FSTL5: variants seen among roughly 807,000 people sequenced by gnomAD.
The protein encoded by FSTL5 is follistatin-related protein 5.
A neutral mutation model predicts 89.1 loss-of-function variants in FSTL5; 62 were observed. The observed-to-expected ratio is 0.70, with a 90% CI of 0.57 to 0.86. FSTL5 has a LOEUF of 0.86. Among genes scored for constraint, FSTL5 ranks in the 40% least tolerant of loss-of-function variants. FSTL5 has a pLI of 0.00. For missense variants in FSTL5, 1,057 were observed against 1,001.6 expected (o/e 1.06, Z -0.75); for synonymous variants, 383 against 346.2 (o/e 1.11, Z -1.18).
chr4:161,864,294 G>A (rs1732008969), intron 4 of FSTL5, among the ~76,000 whole-genome samples: 1 of 152,140 alleles, frequency 6.6e-6, no homozygotes, highest in Non-Finnish European at 1.5e-5. Context: ...TTGGGGTCAG[G>A]TGGATCAGGG....
At chr4:161,868,589 T>C (rs11100393) in intron 4 of FSTL5, among the ~76,000 whole-genome samples, 7,171 of 152,300 alleles carry the variant, frequency 0.047, 214 homozygotes, top group Non-Finnish European at 0.07. Flanking sequence ...TATTAATTTT[T>C]CTGGCCACAG....
chr4:161,798,722 A>G (rs1365551767), intron 4 of FSTL5, among the ~76,000 whole-genome samples: 1 of 151,670 alleles, frequency 6.6e-6, no homozygotes, highest in Non-Finnish European at 1.5e-5. Context: ...TAATCTGGTG[A>G]TAGGACCCAT....
intron 2 of FSTL5, among the ~76,000 whole-genome samples, chr4:162,084,366 A>G (rs1035019548): frequency 4.6e-5 from 7 of 152,058 alleles, no homozygotes; most frequent in African/African-American, 1.7e-4. Flanking sequence ...TCATTTATAA[A>G]TAACATTTGA....
At chr4:161,847,187 G>A (rs1448201233) in intron 4 of FSTL5, among the ~76,000 whole-genome samples, 2 of 152,008 alleles carry the variant, frequency 1.3e-5, no homozygotes, top group East Asian at 1.9e-4. Context: ...TCAATATCAG[G>A]GTAAAATAAA....
intron 6 of FSTL5, among the ~76,000 whole-genome samples, chr4:161,692,626 G>A (rs1737981182): frequency 6.6e-6 from 1 of 152,090 alleles, no homozygotes; most frequent in Admixed American, 6.6e-5. Context: ...TGTGTCCAGG[G>A]GGACAACCCT....
intron 4 of FSTL5, among the ~76,000 whole-genome samples, chr4:161,829,202 G>C (rs965145010): frequency 1.8e-4 from 27 of 146,052 alleles, no homozygotes; most frequent in African/African-American, 6.0e-4. Context: ...TATAGTCTAT[G>C]TTATATAAAT....
At chr4:161,607,024 A>G (rs1268753488) in intron 7 of FSTL5, among the ~76,000 whole-genome samples, 1 of 152,194 alleles carries the variant, frequency 6.6e-6, no homozygotes, top group African/African-American at 2.4e-5. Flanking sequence ...AAATGATTTG[A>G]AGATTATTCA....
At chr4:161,564,365 ATAT>A (rs1472086118) in intron 8 of FSTL5, among the ~76,000 whole-genome samples, 1 of 151,154 alleles carries the variant, frequency 6.6e-6, no homozygotes, top group East Asian at 1.9e-4. Context: ...ATTCCTATAT[ATAT>A]ATATAAAAGT....
At chr4:161,404,467 A>C (rs1731288800) in intron 15 of FSTL5, among the ~76,000 whole-genome samples, 1 of 152,180 alleles carries the variant, frequency 6.6e-6, no homozygotes, top group Admixed American at 6.5e-5. Flanking sequence ...ACAGGAAGTA[A>C]AGGCTAAGGA....
intron 3 of FSTL5, among the ~76,000 whole-genome samples, chr4:161,994,865 T>A (rs1308017753): frequency 1.3e-5 from 2 of 152,128 alleles, no homozygotes; most frequent in Non-Finnish European, 2.9e-5. Flanking sequence ...TTATTTTGCT[T>A]TGCAGAAGCT....
At chr4:161,415,051 T>C (rs1473941996) in intron 15 of FSTL5, among the ~76,000 whole-genome samples, 2 of 152,212 alleles carry the variant, frequency 1.3e-5, no homozygotes, top group Non-Finnish European at 2.9e-5. Context: ...TAGTAAATTA[T>C]ACCTATTATC....
intron 4 of FSTL5, among the ~76,000 whole-genome samples, chr4:161,867,912 T>G (rs1421825804): frequency 1.3e-5 from 2 of 151,966 alleles, no homozygotes; most frequent in East Asian, 3.9e-4. Context: ...TTCAATTAGG[T>G]CAATTTAATA....
At chr4:161,546,765 A>T (rs937615536) in intron 8 of FSTL5, among the ~76,000 whole-genome samples, 1 of 152,000 alleles carries the variant, frequency 6.6e-6, no homozygotes, top group African/African-American at 2.4e-5. Flanking sequence ...TTCCAAAATA[A>T]AGTAAAAATA....
chr4:162,117,763 A>AT (rs749414493), intron 1 of FSTL5, among the ~76,000 whole-genome samples: 1 of 152,344 alleles, frequency 6.6e-6, no homozygotes, highest in Non-Finnish European at 1.5e-5. Context: ...TTAACTCAGT[A>AT]AAGACAGAAC....
intron 4 of FSTL5, among the ~76,000 whole-genome samples, chr4:161,868,533 T>C (rs2126897517): frequency 6.6e-6 from 1 of 152,302 alleles, no homozygotes; most frequent in East Asian, 1.9e-4. Flanking sequence ...GTCAATTTGA[T>C]CTCCACAATA....
intron 6 of FSTL5, among the ~76,000 whole-genome samples, chr4:161,692,453 C>G (rs189730520): frequency 1.3e-5 from 2 of 151,970 alleles, no homozygotes; most frequent in African/African-American, 4.8e-5. Context: ...ATTATCTCCC[C>G]TCAAAATGCA....
chr4:162,143,785 T>TACACACACACACACACAC (rs70946245), intron 1 of FSTL5, among the ~76,000 whole-genome samples: 7 of 138,554 alleles, frequency 5.1e-5, no homozygotes, highest in African/African-American at 1.9e-4. Context: ...TGACTTTAAA[T>TACACACACACACACACAC]ACACACACAC....
intron 3 of FSTL5, among the ~76,000 whole-genome samples, chr4:162,011,678 G>T (rs1020424249): frequency 1.4e-4 from 21 of 152,024 alleles, no homozygotes; most frequent in African/African-American, 4.8e-4. Context: ...TGTATTTTTA[G>T]TAGAGACGGG....
chr4:161,917,963 A>AT (rs1207624903), intron 4 of FSTL5, among the ~76,000 whole-genome samples: 2 of 152,222 alleles, frequency 1.3e-5, no homozygotes, highest in South Asian at 2.1e-4. Flanking sequence ...TATATTTTCC[A>AT]TTTTTTTATT....
Sources: gnomAD v4.1 joint callset for allele counts (sites outside exome capture counted in the v4.1 genomes callset) on GRCh38, gnomAD v4.1.1 for gene constraint, MANE v1.5 for transcripts, NCBI Gene and HGNC (gene_info 2026-07-23, HGNC 2026-07-21) for gene names.